AFG2A: variants seen among roughly 807,000 people sequenced by gnomAD.
The protein encoded by AFG2A is AAA ATPase AFG2A, also known as ATPase family gene 2 protein homolog A.
chr4:123,003,430 G>A, the AFG2A span, among the ~76,000 whole-genome samples: 1 of 152,106 alleles, frequency 6.6e-6, no homozygotes, highest in East Asian at 1.9e-4. Flanking sequence ...CCCCATCTTT[G>A]TGGTTTTATG....
the AFG2A span, among the ~76,000 whole-genome samples, chr4:123,265,165 T>C: frequency 1.3e-5 from 2 of 152,098 alleles, no homozygotes; most frequent in African/African-American, 4.8e-5. Flanking sequence ...CTCAGAGAGT[T>C]GAAGGCCTAG....
the AFG2A span, among the ~76,000 whole-genome samples, chr4:123,016,319 CCT>C: frequency 6.6e-6 from 1 of 150,694 alleles, no homozygotes. Flanking sequence ...CCCCTCACTT[CCT>C]AGACGGGGTG....
chr4:123,046,872 T>A, the AFG2A span, among the ~76,000 whole-genome samples: 1 of 152,190 alleles, frequency 6.6e-6, no homozygotes, highest in Non-Finnish European at 1.5e-5. Context: ...CTTGCACATA[T>A]GAGTGAGAAC....
At chr4:123,316,538 T>TTA in the AFG2A span, 1 of 152,204 alleles carries the variant, frequency 6.6e-6, no homozygotes, top group South Asian at 2.1e-4. Context: ...AGAGAGGAAC[T>TTA]TACCTTCTTC....
At chr4:123,307,509 T>G in the AFG2A span, among the ~76,000 whole-genome samples, 11 of 152,232 alleles carry the variant, frequency 7.2e-5, no homozygotes, top group Admixed American at 2.0e-4. Context: ...GTAGTATTCA[T>G]TCCTAAATAG....
the AFG2A span, among the ~76,000 whole-genome samples, chr4:123,192,153 A>G: frequency 3.1e-4 from 47 of 151,846 alleles, 1 homozygote; most frequent in South Asian, 3.7e-3. Flanking sequence ...CAGCTTCCTG[A>G]GTAGCTGGGA....
chr4:123,163,294 G>A, the AFG2A span, among the ~76,000 whole-genome samples: 1 of 152,124 alleles, frequency 6.6e-6, no homozygotes, highest in South Asian at 2.1e-4. Flanking sequence ...AAATTAGCTG[G>A]GCATGGTGGC....
chr4:123,214,773 CTTAATGAATAGTAAATATAT>C, the AFG2A span, among the ~76,000 whole-genome samples: 10,027 of 152,032 alleles, frequency 0.066, 573 homozygotes, highest in African/African-American at 0.16. Context: ...TCTGCTTCCA[CTTAATGAATAGTAAATATAT>C]TTTATCTTCT....
chr4:123,277,855 T>G, the AFG2A span, among the ~76,000 whole-genome samples: 4 of 152,218 alleles, frequency 2.6e-5, no homozygotes, highest in African/African-American at 9.7e-5. Flanking sequence ...CTTTTTCTTG[T>G]GCTACTGGAT....
chr4:123,280,581 T>TGAGGCCCCC, the AFG2A span, among the ~76,000 whole-genome samples: 3 of 152,372 alleles, frequency 2.0e-5, no homozygotes, highest in South Asian at 6.2e-4. Flanking sequence ...TTCAGCTTTC[T>TGAGGCCCCC]GAGGCCCCCT....
the AFG2A span, among the ~76,000 whole-genome samples, chr4:123,261,900 C>A: frequency 6.6e-6 from 1 of 152,092 alleles, no homozygotes; most frequent in South Asian, 2.1e-4. Context: ...CTGCCCAAGC[C>A]TCCTGAGTAG....
At chr4:123,274,535 G>A in the AFG2A span, among the ~76,000 whole-genome samples, 9,990 of 151,382 alleles carry the variant, frequency 0.066, 602 homozygotes, top group African/African-American at 0.16. Context: ...GATGATAACA[G>A]ATTTGGATCG....
At chr4:122,988,769 G>A in the AFG2A span, among the ~76,000 whole-genome samples, 5 of 152,122 alleles carry the variant, frequency 3.3e-5, no homozygotes, top group East Asian at 1.9e-4. Context: ...ACACTGGTTC[G>A]CTTAATGTTG....
chr4:122,982,849 T>C, the AFG2A span, among the ~76,000 whole-genome samples: 1 of 150,180 alleles, frequency 6.7e-6, no homozygotes, highest in African/African-American at 2.4e-5. Flanking sequence ...TCAGTTTATT[T>C]ACTTTAATCT....
At chr4:123,093,177 G>A in the AFG2A span, among the ~76,000 whole-genome samples, 1 of 152,126 alleles carries the variant, frequency 6.6e-6, no homozygotes, top group Non-Finnish European at 1.5e-5. Flanking sequence ...GAACTTGCTG[G>A]GGGTGTTAGA....
At chr4:123,254,519 T>C in the AFG2A span, among the ~76,000 whole-genome samples, 3 of 152,236 alleles carry the variant, frequency 2.0e-5, no homozygotes, top group African/African-American at 7.2e-5. Context: ...TCCAATTTGT[T>C]CTTTTTAGAA....
the AFG2A span, among the ~76,000 whole-genome samples, chr4:123,096,909 G>A: frequency 6.6e-6 from 1 of 152,082 alleles, no homozygotes; most frequent in Non-Finnish European, 1.5e-5. Context: ...TGCTTAATGA[G>A]CTAAATAAGA....
chr4:123,077,588 C>G, the AFG2A span, among the ~76,000 whole-genome samples: 3 of 152,100 alleles, frequency 2.0e-5, no homozygotes, highest in South Asian at 2.1e-4. Flanking sequence ...ACACTGCATC[C>G]AAAAGAGGTG....
chr4:123,007,606 GTGTATA>G, the AFG2A span, among the ~76,000 whole-genome samples: 443 of 29,798 alleles, frequency 0.015, 7 homozygotes, highest in Non-Finnish European at 0.017. Flanking sequence ...GTGTGTGTGT[GTGTATA>G]TATATATATA....
Sources: allele counts gnomAD v4.1 joint callset (sites outside exome capture counted in the v4.1 genomes callset), GRCh38; gene constraint gnomAD v4.1.1; transcripts MANE v1.5; gene names NCBI Gene and HGNC (gene_info 2026-07-23, HGNC 2026-07-21).